Variants in KRT81 observed in about 807,000 individuals in gnomAD.
The protein encoded by KRT81 is keratin, type II cuticular Hb1.
A neutral mutation model predicts 35.8 loss-of-function variants in KRT81; 35 were observed. The observed-to-expected ratio is 0.98, with a 90% CI of 0.75 to 1.30. The LOEUF (loss-of-function observed/expected upper bound fraction) is 1.30. Ranked by LOEUF, KRT81 falls within the 50% of genes most tolerant of loss-of-function variation. The pLI, the probability that KRT81 is intolerant of heterozygous loss-of-function variation, is 0.00. For synonymous variants in KRT81, 249 were observed against 251.2 expected, an observed-to-expected ratio of 0.99 and a Z score of 0.08; for missense variants, 531 against 577.4, an observed-to-expected ratio of 0.92 and a Z score of 0.82.
At position 52,286,119 on chromosome 12, in the gene KRT81, G is replaced by A; in HGVS notation, c.*136C>T. Reference sequence around the variant, plus strand: ...GAAGTGGGGGATCACACAGAGAAATGTGAGGCCAGGAGTGGGAGGGGTCTT... The same window carrying A: ...GAAGTGGGGGATCACACAGAGAAATATGAGGCCAGGAGTGGGAGGGGTCTT... On this transcript the variant is annotated 3_prime_UTR_variant, in exon 9 of 9. Transcript: ENST00000327741. 2.6e-6 allele frequency: 2 copies of A among 767,598 alleles called. No homozygotes were observed. Among genetic ancestry groups the A allele is most frequent in the Non-Finnish European group, 4.4e-6 (2 of 451,656 alleles). The allele number at this position is 767,598 out of a possible 1,614,324, so 47.5% of individuals were successfully genotyped here. A position where few individuals can be genotyped will look rare whatever the true frequency, so the allele number is the denominator to read the frequency against.
intron 1 of KRT81, 96 bp downstream of exon 1, chr12:52,291,001 G>A: frequency 3.5e-5 from 15 of 428,656 alleles, no homozygotes; most frequent in South Asian, 3.1e-4. Context: ...ATCTCAGGCA[G>A]GCAGAGGTCT....
chr12:52,291,017 C>T lies in KRT81; in HGVS notation c.369+80G>A, dbSNP rs1456666500. Reference sequence around the variant, plus strand: ...TCTCAGGCAGGCAGAGGTCTTTGTGCCTCTGACTCCATCCTTAGTGCCCGG... The same window carrying T: ...TCTCAGGCAGGCAGAGGTCTTTGTGTCTCTGACTCCATCCTTAGTGCCCGG... On this transcript the variant is annotated intron_variant, in intron 1 of 8. Coordinates refer to ENST00000327741, the MANE Select transcript of KRT81 (RefSeq NM_002281.4). 4 of 449,100 alleles carry T rather than the reference C, an allele frequency of 8.9e-6. No homozygotes were observed. The East Asian group carries it at 1.3e-4, about 15-fold the overall frequency. 27.8% of individuals were successfully genotyped at this position (449,100 alleles called of 1,614,324 possible).
chr12:52,288,705 C>T (rs985490716), intron 3 of KRT81, among the ~76,000 whole-genome samples: 1 of 152,098 alleles, frequency 6.6e-6, no homozygotes, highest in Non-Finnish European at 1.5e-5. Flanking sequence ...TCTCCCTTCT[C>T]TCATCTCCTG....
chr12:52,288,250 C>T, intron 4 of KRT81, 102 bp from the exon 5 acceptor site: 1 of 1,598,992 alleles, frequency 6.3e-7, no homozygotes, highest in Admixed American at 1.7e-5. Context: ...ACCCTGCCCC[C>T]TCACACAGCC....
rs761893737 is a variant in KRT81, at chr12:52,287,161, C to A, written c.1188G>T (p.Lys396Asn). 4 of 1,613,542 alleles carry A rather than the reference C, an allele frequency of 2.5e-6. No individual in the cohort carries two copies. The highest frequency in any genetic ancestry group is 2.7e-5 in the African/African-American group (2 of 74,890). The change falls in exon 7 of 9, where the codon AAG (lysine) becomes AAT (asparagine). Residue 396 changes from lysine to asparagine, a missense_variant. By Grantham distance (94) the Lys-to-Asn change is moderately conservative. Around this residue, in one of 5 missense-constraint regions of KRT81, gnomAD observed 49 missense variants for 87.8 expected, o/e 0.56. Transcript: ENST00000327741. ...IREYQEVMNS[K>N]LGLDIEIATY... ...TGGCGATCTCGATGTCCAGGCCCAG[C>A]TTGGAGTTCATCACCTCCTGGTACT... is the stretch of plus-strand genomic sequence containing the variant.
Position 52,291,407 on chromosome 12 carries a change from G to C in KRT81, c.59C>G (p.Pro20Arg), listed in dbSNP as rs747238851. 48 of 1,610,706 alleles carry C rather than the reference G, an allele frequency of 3.0e-5. No individual in the cohort carries two copies. Among genetic ancestry groups the C allele is most frequent in the Non-Finnish European group, 2.5e-6 (3 of 1,178,838 alleles). The change falls in exon 1 of 9, where the codon CCG (proline) becomes CGG (arginine). Residue 20 changes from proline (P) to arginine (R), a missense_variant. Around this residue, in one of 5 missense-constraint regions of KRT81, gnomAD observed 133 missense variants for 125.9 expected, o/e 1.06. Transcript: ENST00000327741. ...GGTGATGCAGCAGCGGCCGGGCCGCGGCCCGCAGGCCGAGATGCAGCTGAA... is the reference window on the plus strand; with the variant it reads ...GGTGATGCAGCAGCGGCCGGGCCGCCGCCCGCAGGCCGAGATGCAGCTGAA... ...RAFSCISACG[P>R]RPGRCCITAA...
chr12:52,291,455 C>A lies in KRT81; in HGVS notation c.11G>T (p.Gly4Val), dbSNP rs757588620. ...GAAGGCGCGCCCACCAAATCCTGAT[C>A]CGCAGGTCATGATCCTCCTGGACGT... MTCGSGFGGRAFSC... is the reference protein window; with the variant it reads MTCVSGFGGRAFSC... The change falls in exon 1 of 9, where the codon GGA becomes GTA. Residue 4 changes from glycine (G) to valine (V), a missense_variant. Physicochemically the swap from Gly to Val is moderately radical, Grantham distance 109. Around this residue, in one of 5 missense-constraint regions of KRT81, gnomAD observed 133 missense variants for 125.9 expected, o/e 1.06. Transcript: ENST00000327741. 6.2e-7 allele frequency: 1 copy of A among 1,612,962 alleles called. No homozygotes were observed. The highest frequency in any genetic ancestry group is 1.3e-5 in the African/African-American group (1 of 75,026).
chr12:52,287,903 C>A, intron 5 of KRT81, 81 bp downstream of exon 5: 1 of 1,611,922 alleles, frequency 6.2e-7, no homozygotes, highest in Non-Finnish European at 8.5e-7. Context: ...CCAGCATCCC[C>A]AGAAAAGGAA....
intron 7 of KRT81, 105 bp from the exon 8 acceptor site, chr12:52,286,927 A>G: frequency 6.5e-7 from 1 of 1,530,504 alleles, no homozygotes; most frequent in Non-Finnish European, 9.0e-7. Context: ...TTAAGAACAG[A>G]GTCTGAGGGA....
In KRT81 at chr12:52,287,484, A is replaced by G. The variant is rs534658267; in HGVS notation, c.1026+112T>C. On this transcript the variant is annotated intron_variant, in intron 6 of 8. Transcript: ENST00000327741. ...GAGAGACCACGACCAGGGACTCTAC[A>G]TGGACAAAGGGGGTGGAGAATGAAT... 5.0e-4 allele frequency: 805 copies of G among 1,602,380 alleles called. 1 individual carries two copies. The highest frequency in any genetic ancestry group is 6.6e-4 in the Non-Finnish European group (773 of 1,173,516).
In KRT81 at chr12:52,288,070, C is replaced by T. The variant is rs1208634995; in HGVS notation, c.814G>A (p.Asp272Asn). Residue 272 changes from aspartate to asparagine, a missense_variant, in exon 5 of 9, where the codon GAC (aspartate) becomes AAC (asparagine). Physicochemically the swap from Asp to Asn is conservative, Grantham distance 23 (BLOSUM62 1). Coordinates refer to ENST00000327741, the MANE Select transcript of KRT81 (RefSeq NM_002281.4). Reference sequence around the variant, plus strand: ...GCCTTAATCTCGGCAATGATGCAGTCCATGTTCAGGTCCCGGCTGTTGTCC... The same window carrying T: ...GCCTTAATCTCGGCAATGATGCAGTTCATGTTCAGGTCCCGGCTGTTGTCC... ...KLDNSRDLNM[D>N]CIIAEIKAQY... The T allele has an allele frequency of 6.2e-7, 1 of 1,614,222 alleles. No individual in the cohort carries two copies. The highest frequency in any genetic ancestry group is 1.1e-5 in the South Asian group (1 of 91,082).
At position 52,291,269 on chromosome 12, in the gene KRT81, C is replaced by T. The variant is rs1429961181; in HGVS notation, c.197G>A (p.Arg66His). 5.9e-6 allele frequency: 9 copies of T among 1,530,148 alleles called. No individual in the cohort carries two copies. The highest frequency in any genetic ancestry group is 1.2e-5 in the South Asian group (1 of 82,324). The allele number at this position is 1,530,148 out of a possible 1,614,324, so 94.8% of individuals were successfully genotyped here. A position where few individuals can be genotyped will look rare whatever the true frequency, so the allele number is the denominator to read the frequency against. Residue 66 changes from arginine to histidine, a missense_variant, in exon 1 of 9, where the codon CGC becomes CAC. Around this residue, in one of 5 missense-constraint regions of KRT81, gnomAD observed 133 missense variants for 125.9 expected, o/e 1.06. Transcript: ENST00000327741. ...ACTGGGCCCGCACACGCCCCCGGAG[C>T]GGTAGCCGAAGCTGCGTCCGCAGGA... is the stretch of plus-strand genomic sequence containing the variant. ...AGSCGRSFGY[R>H]SGGVCGPSPP...
At position 52,286,099 on chromosome 12, in the gene KRT81, G is replaced by C. The variant is rs1288111598; in HGVS notation, c.*156C>G. On this transcript the variant is annotated 3_prime_UTR_variant, in exon 9 of 9. Coordinates refer to ENST00000327741, the MANE Select transcript of KRT81 (RefSeq NM_002281.4). ...CTGTGGGGTGGCAGAGCCCAGAAGT[G>C]GGGGATCACACAGAGAAATGTGAGG... is the stretch of plus-strand genomic sequence containing the variant. The C allele has an allele frequency of 7.1e-6, 5 of 705,890 alleles. No individual in the cohort carries two copies. The highest frequency in any genetic ancestry group is 1.2e-5 in the Non-Finnish European group (5 of 408,932). The allele number at this position is 705,890 out of a possible 1,614,324, so 43.7% of individuals were successfully genotyped here. A position where few individuals can be genotyped will look rare whatever the true frequency, so the allele number is the denominator to read the frequency against.
chr12:52,286,437 G>A lies in KRT81; in HGVS notation c.1336C>T (p.Arg446Trp), dbSNP rs758261572. Residue 446 changes from arginine to tryptophan, a missense_variant, in exon 9 of 9, where the codon CGG (arginine) becomes TGG (tryptophan). This residue lies in a region of KRT81 where 150 missense variants were observed against 145.4 expected (regional missense o/e 1.03). Transcript: ENST00000327741. ...VCGDLCVSGS[R>W]PVTGSVCSAP... ...CTGCAGACACTGCCAGTCACTGGCC[G>A]GGAGCCTGACACGCAGAGGTCCCCG... The A allele has an allele frequency of 3.2e-6, 5 of 1,552,872 alleles. No homozygotes were observed. The highest frequency in any genetic ancestry group is 2.4e-5 in the East Asian group (1 of 41,100).
rs747291474 is a variant in KRT81, at chr12:52,287,709, T to C, written c.913A>G (p.Lys305Glu). The change falls in exon 6 of 9, where the codon AAG (lysine) becomes GAG (glutamate). Residue 305 changes from lysine to glutamate, a missense_variant. Transcript: ENST00000327741. ...SWYRSKCEEM[K>E]ATVIRHGETL... ...TCCCCGTGCCTGATCACCGTGGCCT[T>C]CATCTCCTCACACTGGGGGAAGTAG... 9.9e-6 allele frequency: 16 copies of C among 1,614,046 alleles called. No individual in the cohort carries two copies. The South Asian group carries it at 1.8e-4, about 18-fold the overall frequency.
At chr12:52,287,441 T>C (rs544664021) in intron 6 of KRT81, 119 bp from the exon 7 acceptor site, 21 of 1,569,958 alleles carry the variant, frequency 1.3e-5, no homozygotes, top group African/African-American at 1.2e-4. Flanking sequence ...CTCTTGCCTT[T>C]ATCACCTGGG....
Position 52,288,083 on chromosome 12 carries a change from C to T in KRT81, c.801G>A (p.Arg267=). 6.2e-7 allele frequency: 1 copy of T among 1,614,178 alleles called. No individual in the cohort carries two copies. The highest frequency in any genetic ancestry group is 1.7e-5 in the Admixed American group (1 of 60,012). The change falls in exon 5 of 9, where the codon CGG becomes CGA. Residue 267 remains arginine (R), a synonymous_variant. Transcript: ENST00000327741. ...CAATGATGCAGTCCATGTTCAGGTC[C>T]CGGCTGTTGTCCAGCTTGACAACCA... ...TSVVVKLDNS[R]DLNMDCIIAE...
chr12:52,287,255 C>A lies in KRT81; in HGVS notation c.1094G>T (p.Arg365Leu), dbSNP rs760672911. 2 of 1,613,992 alleles carry A rather than the reference C, an allele frequency of 1.2e-6. No individual in the cohort carries two copies. Among genetic ancestry groups the A allele is most frequent in the Non-Finnish European group, 8.5e-7 (1 of 1,180,004 alleles). Residue 365 changes from arginine to leucine, a missense_variant, in exon 7 of 9, where the codon CGC (arginine) becomes CTC (leucine). Around this residue, in one of 5 missense-constraint regions of KRT81, gnomAD observed 49 missense variants for 87.8 expected, o/e 0.56. Coordinates refer to ENST00000327741, the MANE Select transcript of KRT81 (RefSeq NM_002281.4). ...QQGEAALSDARCKLAELEGAL... is the reference protein window; with the variant it reads ...QQGEAALSDALCKLAELEGAL... ...GCCCTCCAGCTCGGCCAGCTTGCAG[C>A]GGGCATCACTGAGGGCCGCCTCACC...
At position 52,291,181 on chromosome 12, in the gene KRT81, G is replaced by A; in HGVS notation, c.285C>T (p.Ile95=). The change falls in exon 1 of 9, where the codon ATC becomes ATT. Residue 95 remains isoleucine, a synonymous_variant. Transcript: ENST00000327741. ...GCTTCACGCACTGCGCGTTGGGGTC[G>A]ATCTCCAGGTTGAGGGGCGTGAGGA... ...ESLLTPLNLE[I]DPNAQCVKQE... is the part of the protein sequence containing the mutation. The A allele has an allele frequency of 7.8e-7, 1 of 1,278,492 alleles. No individual in the cohort carries two copies. The highest frequency in any genetic ancestry group is 1.1e-6 in the Non-Finnish European group (1 of 938,664). The allele number at this position is 1,278,492 out of a possible 1,614,324, so 79.2% of individuals were successfully genotyped here.
Sources: allele counts gnomAD v4.1 joint callset (sites outside exome capture counted in the v4.1 genomes callset), GRCh38; gene constraint gnomAD v4.1.1; regional missense constraint gnomAD v4.1.1; transcripts MANE v1.5; gene names NCBI Gene and HGNC (gene_info 2026-07-23, HGNC 2026-07-21).